SH3BP4: variants seen among roughly 807,000 people sequenced by gnomAD.
SH3BP4 encodes the protein SH3 domain-binding protein 4.
A neutral mutation model predicts 65.5 loss-of-function variants in SH3BP4; 33 were observed. The observed-to-expected ratio is 0.50, with a 90% CI of 0.38 to 0.67. The LOEUF is 0.67. Among genes scored for constraint, SH3BP4 ranks in the 30% least tolerant of loss-of-function variants. SH3BP4 has a pLI of 0.00. For synonymous variants in SH3BP4, 552 were observed against 545.5 expected, an observed-to-expected ratio of 1.01 and a Z score of -0.17; for missense variants, 1,134 against 1,261.4, an observed-to-expected ratio of 0.90 and a Z score of 1.53.
At chr2:234,990,868 T>C (rs951306492) in intron 1 of SH3BP4, among the ~76,000 whole-genome samples, 4 of 152,152 alleles carry the variant, frequency 2.6e-5, no homozygotes, top group Non-Finnish European at 5.9e-5. Flanking sequence ...CTTTCTCCCT[T>C]AGCATCTGGG....
intron 1 of SH3BP4, among the ~76,000 whole-genome samples, chr2:234,988,216 C>A (rs535772413): frequency 1.3e-5 from 2 of 152,074 alleles, no homozygotes; most frequent in Non-Finnish European, 2.9e-5. Flanking sequence ...CCCACCACCA[C>A]GCCTGGCTAA....
intron 1 of SH3BP4, among the ~76,000 whole-genome samples, chr2:234,955,461 C>G (rs145801900): frequency 0.012 from 1,828 of 152,274 alleles, 15 homozygotes; most frequent in Non-Finnish European, 0.02. Flanking sequence ...ACCAGCTCCT[C>G]GGTGGGCCCT....
At chr2:235,039,691 A>G (rs1293855328) in intron 3 of SH3BP4, among the ~76,000 whole-genome samples, 1 of 152,062 alleles carries the variant, frequency 6.6e-6, no homozygotes, top group African/African-American at 2.4e-5. Context: ...AATCATATCC[A>G]TTATTTTTCA....
chr2:235,008,405 G>A (rs747423008), intron 2 of SH3BP4, among the ~76,000 whole-genome samples: 2 of 152,218 alleles, frequency 1.3e-5, no homozygotes, highest in Admixed American at 6.5e-5. Flanking sequence ...AGAACCAGCC[G>A]AGGCCTACTC....
Position 235,043,172 on chromosome 2 carries a change from C to T in SH3BP4, c.2403C>T (p.Val801=). 6.2e-7 allele frequency: 1 copy of T among 1,611,442 alleles called. No individual in the cohort carries two copies. The highest frequency in any genetic ancestry group is 8.5e-7 in the Non-Finnish European group (1 of 1,178,524). ...LDSEPERVAS[V]LEKLKEDCNN... is the part of the protein sequence containing the mutation. ...GTGAGCCCGAGCGGGTGGCGTCCGTCCTAGAAAAGCTGAAGGAGGACTGTA... is the reference window on the plus strand; with the variant it reads ...GTGAGCCCGAGCGGGTGGCGTCCGTTCTAGAAAAGCTGAAGGAGGACTGTA... The change falls in exon 4 of 6, where the codon GTC becomes GTT. Residue 801 remains valine (V), a synonymous_variant. Coordinates refer to ENST00000392011, the MANE Select transcript of SH3BP4 (RefSeq NM_014521.3).
At chr2:235,003,365 A>G (rs1209553970) in intron 2 of SH3BP4, among the ~76,000 whole-genome samples, 4 of 152,258 alleles carry the variant, frequency 2.6e-5, no homozygotes, top group Admixed American at 2.0e-4. Flanking sequence ...CAGGGTACCA[A>G]TGTATTCATT....
In SH3BP4 at chr2:235,052,762, C is replaced by CT. The variant is rs1559262743; in HGVS notation, c.2667+13dup. The CT allele has an allele frequency of 6.4e-7, 1 of 1,564,118 alleles. No homozygotes were observed. The highest frequency in any genetic ancestry group is 1.9e-5 in the Admixed American group (1 of 53,540). On this transcript the variant is annotated intron_variant, in intron 5 of 5. Transcript: ENST00000392011. This position sits in a 1 kb window ranked among gnomAD's most constrained non-coding sequence, Gnocchi z 5.0. ...TTGTGGACAGCGAGGTGAGCAGCGGCTGAGCTTCGAGCTCACCGAGCCCCT... is the reference window on the plus strand; with the variant it reads ...TTGTGGACAGCGAGGTGAGCAGCGGCTTGAGCTTCGAGCTCACCGAGCCCCT...
At chr2:235,040,518 G>T (rs1444027625) in intron 3 of SH3BP4, among the ~76,000 whole-genome samples, 1 of 150,912 alleles carries the variant, frequency 6.6e-6, no homozygotes, top group Non-Finnish European at 1.5e-5. Context: ...ATCACATTCA[G>T]TTTCTCTTTG....
At position 235,041,406 on chromosome 2, in the gene SH3BP4, A is replaced by C; in HGVS notation, c.637A>C (p.Thr213Pro). ...ATCCAGCTCAGCCACCACGAATAGC[A>C]CTGGCAACATCTTCGATGAGCTTCC... ...TESSSATTNS[T>P]GNIFDELPVT... Residue 213 changes from threonine (T) to proline (P), a missense_variant, in exon 4 of 6, where the codon ACT becomes CCT. Thr to Pro is a conservative substitution (Grantham distance 38). Coordinates refer to ENST00000392011, the MANE Select transcript of SH3BP4 (RefSeq NM_014521.3). The surrounding 1 kb of genome is among the most constrained non-coding windows in gnomAD (Gnocchi z 6.0). 6.2e-7 allele frequency: 1 copy of C among 1,614,150 alleles called. No homozygotes were observed. The highest frequency in any genetic ancestry group is 8.5e-7 in the Non-Finnish European group (1 of 1,180,028).
Position 234,958,287 on chromosome 2 carries a change from A to G in SH3BP4, c.-207+6117A>G, listed in dbSNP as rs572819234. ...ACCAGTAAAATTATTTTAAAATGTG[A>G]GAGCTTTCCTTGGAGGCAGTAAGCA... On this transcript the variant is annotated intron_variant, in intron 1 of 5. Coordinates refer to ENST00000392011, the MANE Select transcript of SH3BP4 (RefSeq NM_014521.3). Among the ~76,000 whole-genome samples the G allele has an allele frequency of 8.8e-4, 134 of 152,270 alleles. No homozygotes were observed. In the Middle Eastern group the frequency reaches 0.01, roughly 12 times the overall value.
intron 1 of SH3BP4, chr2:234,994,585 G>A (rs1693854563): frequency 6.6e-6 from 1 of 152,226 alleles, no homozygotes; most frequent in Non-Finnish European, 1.5e-5. Context: ...GCTCTGTAGT[G>A]ATGTCAGCGC....
intron 1 of SH3BP4, among the ~76,000 whole-genome samples, chr2:234,987,442 A>C (rs576660049): frequency 1.2e-4 from 19 of 152,302 alleles, no homozygotes; most frequent in African/African-American, 4.3e-4. Context: ...GTTACAGTTG[A>C]GGAAAACGAG....
At chr2:234,971,856 C>T (rs1000809200) in intron 1 of SH3BP4, among the ~76,000 whole-genome samples, 7 of 151,694 alleles carry the variant, frequency 4.6e-5, no homozygotes, top group African/African-American at 7.3e-5. Flanking sequence ...CTTGCTCTGT[C>T]GCTAGGCTGG....
At position 235,052,113 on chromosome 2, in the gene SH3BP4, G is replaced by A. The variant is rs1041303536; in HGVS notation, c.2479-449G>A. Among the ~76,000 whole-genome samples the A allele has an allele frequency of 9.9e-5, 15 of 152,252 alleles. No individual in the cohort carries two copies. Among genetic ancestry groups the A allele is most frequent in the African/African-American group, 3.1e-4 (13 of 41,556 alleles). On this transcript the variant is annotated intron_variant, in intron 4 of 5. Transcript: ENST00000392011. This position sits in a 1 kb window ranked among gnomAD's most constrained non-coding sequence, Gnocchi z 5.0. Reference sequence around the variant, plus strand: ...AGGCCTGCCTCTCCTAAGCCCCACTGGCTCAACCCTCCTTCTTTTCCTTGG... The same window carrying A: ...AGGCCTGCCTCTCCTAAGCCCCACTAGCTCAACCCTCCTTCTTTTCCTTGG...
intron 1 of SH3BP4, among the ~76,000 whole-genome samples, chr2:234,965,935 C>T (rs992023510): frequency 5.3e-5 from 8 of 152,084 alleles, no homozygotes; most frequent in East Asian, 1.9e-4. Context: ...CAGTAGAGCT[C>T]GCAAATGGGG....
At position 234,967,786 on chromosome 2, in the gene SH3BP4, T is replaced by C. The variant is rs983562951; in HGVS notation, c.-207+15616T>C. 2.6e-5 allele frequency among the ~76,000 whole-genome samples: 4 copies of C among 152,136 alleles called. No homozygotes were observed. Among genetic ancestry groups the C allele is most frequent in the African/African-American group, 9.7e-5 (4 of 41,442 alleles). On this transcript the variant is annotated intron_variant, in intron 1 of 5. Transcript: ENST00000392011. The surrounding 1 kb of genome is among the most constrained non-coding windows in gnomAD (Gnocchi z 4.6). ...GCACAGGGGCAGCCACAGTGGACCC[T>C]TGGTGGAGAGGATCAGAGCCAGGAT...
intron 1 of SH3BP4, among the ~76,000 whole-genome samples, chr2:234,955,125 G>A (rs996978075): frequency 2.0e-5 from 3 of 152,148 alleles, no homozygotes; most frequent in Non-Finnish European, 4.4e-5. Context: ...CCTGGAGGTG[G>A]GCATCAGGTC....
chr2:235,017,050 T>C (rs1436148412), intron 2 of SH3BP4, among the ~76,000 whole-genome samples: 1 of 148,642 alleles, frequency 6.7e-6, no homozygotes, highest in East Asian at 2.0e-4. Context: ...CCTTTCTTTT[T>C]TTTTTTTTTT....
chr2:234,958,803 A>G (rs960701417), intron 1 of SH3BP4, among the ~76,000 whole-genome samples: 1 of 152,086 alleles, frequency 6.6e-6, no homozygotes, highest in African/African-American at 2.4e-5. Context: ...GTGGTAGTGG[A>G]GAAACTCCTA....
Sources: gnomAD v4.1 joint callset for allele counts (sites outside exome capture counted in the v4.1 genomes callset) on GRCh38, gnomAD v4.1.1 for gene constraint, Gnocchi (gnomAD v3.1) non-coding constraint, MANE v1.5 for transcripts, NCBI Gene and HGNC (gene_info 2026-07-23, HGNC 2026-07-21) for gene names.